Variants in RRAS2 observed in about 807,000 individuals in gnomAD.
RRAS2 encodes ras-related protein R-Ras2.
A neutral mutation model predicts 27.6 loss-of-function variants in RRAS2; 7 were observed. The observed-to-expected ratio is 0.25, with a 90% confidence interval of 0.14 to 0.48. The LOEUF (loss-of-function observed/expected upper bound fraction) is 0.48. Among genes scored for constraint, RRAS2 ranks in the 20% least tolerant of loss-of-function variants. RRAS2 has a pLI of 0.99. For synonymous variants in RRAS2, 86 were observed against 90.9 expected, an observed-to-expected ratio of 0.95 and a Z score of 0.31; for missense variants, 178 against 256.2, an observed-to-expected ratio of 0.69 and a Z score of 2.08.
intron 4 of RRAS2, among the ~76,000 whole-genome samples, chr11:14,286,620 T>G (rs782371343): frequency 9.9e-5 from 15 of 152,262 alleles, no homozygotes; most frequent in African/African-American, 3.6e-4. Context: ...TTCCAAAAAT[T>G]TAGCAGCCTC....
chr11:14,342,119 C>A, intron 1 of RRAS2: 1 of 236,218 alleles, frequency 4.2e-6, no homozygotes, highest in Non-Finnish European at 7.9e-6. Context: ...CCTTCCCTCT[C>A]CTCCTACCCC....
At chr11:14,302,511 A>C (rs970794878) in intron 1 of RRAS2, among the ~76,000 whole-genome samples, 2 of 152,226 alleles carry the variant, frequency 1.3e-5, no homozygotes, top group South Asian at 2.1e-4. Context: ...CTCTAACTCC[A>C]TTTCCTCAAC....
intron 1 of RRAS2, among the ~76,000 whole-genome samples, chr11:14,357,626 T>C (rs1211970535): frequency 2.6e-5 from 4 of 152,200 alleles, no homozygotes; most frequent in African/African-American, 4.8e-5. Flanking sequence ...ATCACATTTG[T>C]TACAGTACTC....
At chr11:14,287,551 T>C (rs1564954696) in intron 4 of RRAS2, among the ~76,000 whole-genome samples, 1 of 152,086 alleles carries the variant, frequency 6.6e-6, no homozygotes, top group Non-Finnish European at 1.5e-5. Flanking sequence ...TAAACAGGAA[T>C]AGCAACTCAC....
In RRAS2 at chr11:14,320,348, C is replaced by T. The variant is rs553329729; in HGVS notation, c.109-24493G>A. Among the ~76,000 whole-genome samples, 6 of 152,276 alleles carry T rather than the reference C, an allele frequency of 3.9e-5. No individual in the cohort carries two copies. In the East Asian group the frequency reaches 1.2e-3, roughly 29 times the overall value. On this transcript the variant is annotated intron_variant, in intron 1 of 5. Transcript: ENST00000256196. ...AGCTGTTTTTTCAAATAGCAGTATG[C>T]CTAGAATGACTGCATGCTTGTCTAG...
intron 1 of RRAS2, among the ~76,000 whole-genome samples, chr11:14,341,098 AT>A (rs1222254399): frequency 6.6e-6 from 1 of 152,152 alleles, no homozygotes; most frequent in Non-Finnish European, 1.5e-5. Flanking sequence ...GTGGCAGCAC[AT>A]TTTTTACATA....
At chr11:14,309,555 A>ACTG (rs1293667891) in intron 1 of RRAS2, among the ~76,000 whole-genome samples, 1 of 152,264 alleles carries the variant, frequency 6.6e-6, no homozygotes, top group East Asian at 1.9e-4. Context: ...AGGATATGAT[A>ACTG]CTGCATAAGA....
At chr11:14,301,161 A>T (rs1167503132) in intron 1 of RRAS2, among the ~76,000 whole-genome samples, 1 of 152,210 alleles carries the variant, frequency 6.6e-6, no homozygotes, top group Non-Finnish European at 1.5e-5. Flanking sequence ...CGGAAACAAT[A>T]AACAAGTGTA....
chr11:14,285,209 C>A (rs1278689688), intron 4 of RRAS2, among the ~76,000 whole-genome samples: 1 of 152,038 alleles, frequency 6.6e-6, no homozygotes, highest in Admixed American at 6.6e-5. Context: ...TAATTCATGA[C>A]AGTCTAATTC....
At chr11:14,284,096 TTTTC>T (rs1849607144) in intron 4 of RRAS2, among the ~76,000 whole-genome samples, 1 of 152,218 alleles carries the variant, frequency 6.6e-6, no homozygotes, top group African/African-American at 2.4e-5. Flanking sequence ...AATTTTCTCT[TTTTC>T]TTCTTATTTC....
intron 1 of RRAS2, among the ~76,000 whole-genome samples, chr11:14,350,706 A>C (rs1179604696): frequency 6.6e-6 from 1 of 152,156 alleles, no homozygotes; most frequent in Non-Finnish European, 1.5e-5. Context: ...GTTAAAAAAA[A>C]AATTGCAAAA....
intron 4 of RRAS2, among the ~76,000 whole-genome samples, chr11:14,285,843 T>C (rs1051194672): frequency 2.6e-5 from 4 of 152,196 alleles, no homozygotes; most frequent in Admixed American, 1.3e-4. Flanking sequence ...TGTGCTCTTT[T>C]CCCCCCGTCT....
At chr11:14,285,210 A>C (rs1849630172) in intron 4 of RRAS2, among the ~76,000 whole-genome samples, 1 of 152,180 alleles carries the variant, frequency 6.6e-6, no homozygotes, top group Non-Finnish European at 1.5e-5. Flanking sequence ...AATTCATGAC[A>C]GTCTAATTCA....
intron 4 of RRAS2, among the ~76,000 whole-genome samples, chr11:14,286,876 G>A (rs1341661749): frequency 6.6e-6 from 1 of 152,228 alleles, no homozygotes; most frequent in Non-Finnish European, 1.5e-5. Flanking sequence ...GAAGGAAGCC[G>A]AGTAAACACA....
intron 1 of RRAS2, among the ~76,000 whole-genome samples, chr11:14,327,518 G>C (rs1554951190): frequency 6.6e-6 from 1 of 152,160 alleles, no homozygotes. Context: ...CATTTTATCA[G>C]TACCCACAAA....
At chr11:14,343,360 A>G (rs1341798000) in intron 1 of RRAS2, among the ~76,000 whole-genome samples, 1 of 152,252 alleles carries the variant, frequency 6.6e-6, no homozygotes, top group Admixed American at 6.5e-5. Context: ...CATAATAGTA[A>G]GGAAATAACC....
At chr11:14,342,820 A>G (rs1213272533) in intron 1 of RRAS2, among the ~76,000 whole-genome samples, 1 of 152,188 alleles carries the variant, frequency 6.6e-6, no homozygotes, top group Non-Finnish European at 1.5e-5. Flanking sequence ...TCTCATATAC[A>G]TATTTCACAA....
At chr11:14,309,740 T>C (rs1165955971) in intron 1 of RRAS2, among the ~76,000 whole-genome samples, 1 of 152,162 alleles carries the variant, frequency 6.6e-6, no homozygotes, top group Non-Finnish European at 1.5e-5. Flanking sequence ...ACAGCCAGTG[T>C]AGCTACAACA....
chr11:14,337,007 G>A (rs1848600631), intron 1 of RRAS2: 1 of 152,060 alleles, frequency 6.6e-6, no homozygotes. Context: ...TTACCTACAG[G>A]AGAAAAACAG....
Sources: allele counts gnomAD v4.1 joint callset (sites outside exome capture counted in the v4.1 genomes callset), GRCh38; gene constraint gnomAD v4.1.1; transcripts MANE v1.5; gene names NCBI Gene and HGNC (gene_info 2026-07-23, HGNC 2026-07-21).